CFAP77: variants seen among roughly 807,000 people sequenced by gnomAD.
CFAP77 encodes the protein cilia and flagella associated protein 77.
In CFAP77, 25 loss-of-function variants were observed where a neutral mutation model predicts 31.1. The observed-to-expected ratio is 0.80, with a 90% confidence interval of 0.59 to 1.12. CFAP77 has a LOEUF of 1.12. CFAP77 is among the 50% of genes most tolerant of loss of function. CFAP77 has a pLI of 0.00. For synonymous variants in CFAP77, 151 were observed against 159.9 expected, an observed-to-expected ratio of 0.94 and a Z score of 0.42; for missense variants, 377 against 397.3, an observed-to-expected ratio of 0.95 and a Z score of 0.44.
chr9:132,479,726 T>C (rs1026617332), intron 1 of CFAP77, among the ~76,000 whole-genome samples: 38 of 152,330 alleles, frequency 2.5e-4, no homozygotes, highest in African/African-American at 9.1e-4. Context: ...ATGTTGCTGA[T>C]GGAGTTTGGA....
At chr9:132,433,325 T>G (rs1850445570) in intron 1 of CFAP77, among the ~76,000 whole-genome samples, 1 of 152,220 alleles carries the variant, frequency 6.6e-6, no homozygotes, top group Non-Finnish European at 1.5e-5. Flanking sequence ...CCAGCCGTAC[T>G]CGTGTGTGAG....
At chr9:132,567,980 A>AT (rs1829906921) in intron 5 of CFAP77, among the ~76,000 whole-genome samples, 1 of 152,184 alleles carries the variant, frequency 6.6e-6, no homozygotes, top group Non-Finnish European at 1.5e-5. Flanking sequence ...ATAAGGCCAC[A>AT]TTCTCAAGTT....
chr9:132,520,109 C>T (rs796922534), intron 3 of CFAP77, among the ~76,000 whole-genome samples: 8 of 149,744 alleles, frequency 5.3e-5, no homozygotes, highest in African/African-American at 1.7e-4. Context: ...TCTGCTACAC[C>T]GCAACAGTGT....
intron 3 of CFAP77, among the ~76,000 whole-genome samples, chr9:132,521,180 T>C (rs1852257549): frequency 6.6e-6 from 1 of 152,180 alleles, no homozygotes; most frequent in Non-Finnish European, 1.5e-5. Context: ...GGCCCTGACA[T>C]GCCGACTTAA....
chr9:132,499,537 A>G lies in CFAP77; in HGVS notation c.461A>G (p.Asp154Gly). 1 of 1,614,180 alleles carries G rather than the reference A, an allele frequency of 6.2e-7. No homozygotes were observed. The highest frequency in any genetic ancestry group is 8.5e-7 in the Non-Finnish European group (1 of 1,180,036). ...LNDIRISDQD[D>G]RRMKKEPPPL... ...GACATCCGCATCAGTGACCAGGATG[A>G]CCGGCGCATGAAGAAAGAGCCGCCC... is the stretch of plus-strand genomic sequence containing the variant. The change falls in exon 3 of 6, where the codon GAC (aspartate) becomes GGC (glycine). Residue 154 changes from aspartate to glycine, a missense_variant. Physicochemically the swap from Asp to Gly is moderately conservative, Grantham distance 94. Transcript: ENST00000393216. The surrounding 1 kb of genome is among the most constrained non-coding windows in gnomAD (Gnocchi z 5.4).
intron 3 of CFAP77, among the ~76,000 whole-genome samples, chr9:132,507,013 G>A (rs1333115047): frequency 6.6e-6 from 1 of 152,202 alleles, no homozygotes; most frequent in Admixed American, 6.5e-5. Flanking sequence ...ACAGGATTCT[G>A]TGTAAGGCCA....
rs1043830331 is a variant in CFAP77, at chr9:132,497,151, G to T, written c.196-1544G>T. On this transcript the variant is annotated intron_variant, in intron 1 of 5. Transcript: ENST00000393216. This position sits in a 1 kb window ranked among gnomAD's most constrained non-coding sequence, Gnocchi z 4.9. ...TTTGTCTATCTCAACAGGGGGTGCT[G>T]TGGGGGAGCCTGGGAGGCAAAGCTG... 3.9e-5 allele frequency among the ~76,000 whole-genome samples: 6 copies of T among 152,060 alleles called. No homozygotes were observed. The highest frequency in any genetic ancestry group is 5.9e-5 in the Non-Finnish European group (4 of 68,022).
intron 1 of CFAP77, among the ~76,000 whole-genome samples, chr9:132,482,960 T>TAA (rs11453776): frequency 0.042 from 5,909 of 141,026 alleles, 398 homozygotes; most frequent in African/African-American, 0.14. Flanking sequence ...AATAATAATT[T>TAA]AAAAAAAAAA....
chr9:132,476,290 GT>G (rs772728996), intron 1 of CFAP77, among the ~76,000 whole-genome samples: 1 of 152,050 alleles, frequency 6.6e-6, no homozygotes, highest in African/African-American at 2.4e-5. Flanking sequence ...CTTACTCACT[GT>G]GTCCCATACC....
rs566842613 is a variant in CFAP77, at chr9:132,539,593, C to T, written c.630+1887C>T. ...GCGCCTATGATGTTCTAGGGCCAAC[C>T]AGGGGATCGGAGGAGTCTTTCTCGA... On this transcript the variant is annotated intron_variant, in intron 4 of 5. Transcript: ENST00000393216. This position sits in a 1 kb window ranked among gnomAD's most constrained non-coding sequence, Gnocchi z 4.3. Among the ~76,000 whole-genome samples the T allele has an allele frequency of 6.6e-5, 10 of 152,236 alleles. No individual in the cohort carries two copies. The South Asian group carries it at 1.5e-3, about 22-fold the overall frequency.
chr9:132,410,903 C>A (rs1349305813), intron 1 of CFAP77, among the ~76,000 whole-genome samples: 3 of 152,184 alleles, frequency 2.0e-5, no homozygotes, highest in Non-Finnish European at 4.4e-5. Flanking sequence ...GCCTGGGGTA[C>A]GTCTATGCAG....
In CFAP77 at chr9:132,498,759, T is replaced by C; in HGVS notation, c.260T>C (p.Leu87Pro). 6.2e-7 allele frequency: 1 copy of C among 1,611,872 alleles called. No homozygotes were observed. Among genetic ancestry groups the C allele is most frequent in the Non-Finnish European group, 8.5e-7 (1 of 1,178,910 alleles). ...CCCGGCATTAATTTTAATTATGGAC[T>C]CTACATCCGAGGGCTTGACGGAGGA... is the stretch of plus-strand genomic sequence containing the variant. ...SLPGINFNYG[L>P]YIRGLDGGVP... The change falls in exon 2 of 6, where the codon CTC (leucine) becomes CCC (proline). Residue 87 changes from leucine to proline, a missense_variant. Transcript: ENST00000393216. The surrounding 1 kb of genome is among the most constrained non-coding windows in gnomAD (Gnocchi z 4.2).
At chr9:132,506,159 G>A (rs181780917) in intron 3 of CFAP77, among the ~76,000 whole-genome samples, 7 of 152,212 alleles carry the variant, frequency 4.6e-5, no homozygotes, top group African/African-American at 9.6e-5. Context: ...AAAGAGCCCC[G>A]GCATTCTCTC....
Position 132,505,425 on chromosome 9 carries a change from A to G in CFAP77, c.524+5825A>G, listed in dbSNP as rs1328250847. Among the ~76,000 whole-genome samples the G allele has an allele frequency of 2.6e-5, 4 of 152,212 alleles. No individual in the cohort carries two copies. In the East Asian group the frequency reaches 5.8e-4, roughly 22 times the overall value. ...CACTAAATCGGAAGGGTGCATTTCA[A>G]TCCCAAAGCCTCTGTGGCTTGCAGG... On this transcript the variant is annotated intron_variant, in intron 3 of 5. Transcript: ENST00000393216.
intron 3 of CFAP77, among the ~76,000 whole-genome samples, chr9:132,513,588 TG>T (rs1312578697): frequency 1.3e-5 from 2 of 152,324 alleles, no homozygotes; most frequent in African/African-American, 4.8e-5. Flanking sequence ...ACTCTGCACA[TG>T]ACTCGCTCAT....
chr9:132,554,935 TCCAC>T lies in CFAP77; in HGVS notation c.732+11892_732+11895del, dbSNP rs762639766. On this transcript the variant is annotated intron_variant, in intron 5 of 5. Transcript: ENST00000393216. This position sits in a 1 kb window ranked among gnomAD's most constrained non-coding sequence, Gnocchi z 4.1. The stretch of plus-strand genomic sequence containing the variant: ...ATGCATGCATGCATGCATCCATCCA[TCCAC>T]CCATCCATCCATCCATCCATCCATC... Among the ~76,000 whole-genome samples, 5,737 of 131,370 alleles carry T rather than the reference TCCAC, an allele frequency of 0.044. 337 individuals carry two copies. The highest frequency in any genetic ancestry group is 0.15 in the African/African-American group (5,028 of 33,086). The allele number at this position is 131,370 out of a possible 152,430, so 86.2% of individuals were successfully genotyped here.
chr9:132,536,591 A>G (rs1852548152), intron 3 of CFAP77, among the ~76,000 whole-genome samples: 1 of 152,016 alleles, frequency 6.6e-6, no homozygotes, highest in Admixed American at 6.6e-5. Context: ...ACAGGGCTTC[A>G]CCATGTTGGC....
chr9:132,449,797 C>T (rs977656389), intron 1 of CFAP77, among the ~76,000 whole-genome samples: 1 of 152,230 alleles, frequency 6.6e-6, no homozygotes, highest in Non-Finnish European at 1.5e-5. Context: ...TGGCTACCAG[C>T]AGGGTATGAG....
intron 1 of CFAP77, among the ~76,000 whole-genome samples, chr9:132,453,830 C>T (rs1019056342): frequency 3.2e-4 from 48 of 152,284 alleles, no homozygotes; most frequent in African/African-American, 1.1e-3. Context: ...CTTCTGAGTA[C>T]GTAAGAGCCA....
Sources: gnomAD v4.1 joint callset for allele counts (sites outside exome capture counted in the v4.1 genomes callset) on GRCh38, gnomAD v4.1.1 for gene constraint, Gnocchi (gnomAD v3.1) non-coding constraint, MANE v1.5 for transcripts, NCBI Gene and HGNC (gene_info 2026-07-23, HGNC 2026-07-21) for gene names.